The following ATF7IP variants were observed in gnomAD, a reference collection of about 807,000 sequenced individuals.
ATF7IP encodes the protein activating transcription factor 7 interacting protein, also known as activating transcription factor 7-interacting protein 1.
A neutral mutation model predicts 106.4 loss-of-function variants in ATF7IP; 23 were observed. That is an observed-to-expected ratio of 0.22 (90% CI 0.16 to 0.31). ATF7IP has a LOEUF of 0.31. Ranked by LOEUF, ATF7IP falls within the 10% of genes least tolerant of loss-of-function variation. The pLI is 1.00. For synonymous variants in ATF7IP, 542 were observed against 539.0 expected (o/e 1.01, Z -0.08); for missense variants, 1,334 against 1,524.3 (o/e 0.88, Z 2.08).
chr12:14,381,479 C>T (rs917269988), intron 1 of ATF7IP, among the ~76,000 whole-genome samples: 1 of 152,162 alleles, frequency 6.6e-6, no homozygotes, highest in Admixed American at 6.5e-5. Context: ...GGTCTGCCCA[C>T]TTTGGCCTCC....
At chr12:14,390,840 A>C (rs1260634556) in intron 1 of ATF7IP, among the ~76,000 whole-genome samples, 1 of 152,240 alleles carries the variant, frequency 6.6e-6, no homozygotes. Context: ...ATAATTTATA[A>C]TCTTGATCTG....
intron 10 of ATF7IP, among the ~76,000 whole-genome samples, chr12:14,474,792 C>T (rs928229518): frequency 1.3e-5 from 2 of 152,040 alleles, no homozygotes; most frequent in African/African-American, 2.4e-5. Context: ...CTTATTTTTT[C>T]GTCCTAAGTT....
chr12:14,496,568 A>G (rs188554072), intron 14 of ATF7IP, among the ~76,000 whole-genome samples: 6 of 152,338 alleles, frequency 3.9e-5, no homozygotes, highest in Admixed American at 3.9e-4. Flanking sequence ...TACAGTGTAC[A>G]AAAACAGGTC....
chr12:14,416,885 A>G, intron 1 of ATF7IP: 2 of 983,386 alleles, frequency 2.0e-6, no homozygotes, highest in Non-Finnish European at 2.4e-6. Flanking sequence ...GCAGCTGTTG[A>G]TATATTTTTC....
intron 1 of ATF7IP, among the ~76,000 whole-genome samples, chr12:14,410,195 C>T (rs142004005): frequency 4.6e-5 from 7 of 152,196 alleles, no homozygotes; most frequent in African/African-American, 1.4e-4. Context: ...CCACAGTTTT[C>T]GTTTTCTGTG....
In ATF7IP at chr12:14,438,256, A is replaced by G. The variant is rs1285906662; in HGVS notation, c.1918A>G (p.Thr640Ala). Residue 640 changes from threonine to alanine, a missense_variant, in exon 5 of 15, where the codon ACT becomes GCT. Physicochemically the swap from Thr to Ala is moderately conservative, Grantham distance 58 (BLOSUM62 0). Transcript: ENST00000261168. Reference protein sequence around the residue: ...ECNKRHKTVLTELQAKIARLT... With the variant: ...ECNKRHKTVLAELQAKIARLT... ...TAACAAGAGGCATAAAACAGTTCTC[A>G]CTGAACTACAGGTTTGTACATTGAC... 4 of 1,612,348 alleles carry G rather than the reference A, an allele frequency of 2.5e-6. No individual in the cohort carries two copies. Among genetic ancestry groups the G allele is most frequent in the South Asian group, 2.2e-5 (2 of 90,958 alleles).
chr12:14,424,296 T>C lies in ATF7IP; in HGVS notation c.381T>C (p.Ala127=), dbSNP rs770876256. The C allele has an allele frequency of 1.9e-6, 3 of 1,614,104 alleles. No individual in the cohort carries two copies. In the African/African-American group the frequency reaches 4.0e-5, roughly 22 times the overall value. Residue 127 remains alanine, a synonymous_variant, in exon 2 of 15, where the codon GCT becomes GCC. Coordinates refer to ENST00000261168, the MANE Select transcript of ATF7IP (RefSeq NM_018179.5). ...CAGAACCAGTCTCTAAACTGCCTGC[T>C]GAACCAGTTTCTGGTGATCCAGCCC... is the stretch of plus-strand genomic sequence containing the variant. ...ITPEPVSKLP[A]EPVSGDPAPG...
chr12:14,487,565 A>G (rs887485482), intron 13 of ATF7IP, among the ~76,000 whole-genome samples: 2 of 152,180 alleles, frequency 1.3e-5, no homozygotes, highest in Non-Finnish European at 2.9e-5. Context: ...CGTTGCCCTC[A>G]CTGGGTGTAG....
chr12:14,409,143 G>T (rs1360525602), intron 1 of ATF7IP, among the ~76,000 whole-genome samples: 1 of 151,694 alleles, frequency 6.6e-6, no homozygotes, highest in Non-Finnish European at 1.5e-5. Context: ...CTAGATACTC[G>T]ATAAAAATGT....
intron 10 of ATF7IP, among the ~76,000 whole-genome samples, chr12:14,469,383 A>AC (rs1565539562): frequency 3.7e-5 from 5 of 136,398 alleles, no homozygotes; most frequent in East Asian, 2.2e-4. Context: ...AAAAAAAAAA[A>AC]CTTGGACATC....
chr12:14,430,256 A>G (rs1372470212), intron 2 of ATF7IP, among the ~76,000 whole-genome samples: 1 of 152,174 alleles, frequency 6.6e-6, no homozygotes, highest in Non-Finnish European at 1.5e-5. Context: ...TACTATATCA[A>G]ATGCTGCTGT....
Position 14,502,287 on chromosome 12 carries a change from A to T in ATF7IP, c.*4214A>T, listed in dbSNP as rs1269340310. On this transcript the variant is annotated 3_prime_UTR_variant, in exon 15 of 15. Transcript: ENST00000261168. Reference sequence around the variant, plus strand: ...TTATTATTTTTAACTTTTGGGACACACAAAAATCAGCAATTCTCATGAAGC... The same window carrying T: ...TTATTATTTTTAACTTTTGGGACACTCAAAAATCAGCAATTCTCATGAAGC... The T allele has an allele frequency of 6.6e-6, 1 of 152,172 alleles. No individual in the cohort carries two copies. Among genetic ancestry groups the T allele is most frequent in the Admixed American group, 6.6e-5 (1 of 15,264 alleles). 9.4% of individuals were successfully genotyped at this position (152,172 alleles called of 1,614,324 possible). A position where few individuals can be genotyped will look rare whatever the true frequency, so the allele number is the denominator to read the frequency against.
At chr12:14,447,202 G>T in intron 6 of ATF7IP, 149 bp downstream of exon 6, 2 of 413,820 alleles carry the variant, frequency 4.8e-6, no homozygotes. Context: ...TTCAGCCCTA[G>T]AACTAATGAA....
In ATF7IP at chr12:14,499,665, A is replaced by G. The variant is rs1185963201; in HGVS notation, c.*1592A>G. On this transcript the variant is annotated 3_prime_UTR_variant, in exon 15 of 15. Coordinates refer to ENST00000261168, the MANE Select transcript of ATF7IP (RefSeq NM_018179.5). ...GTTAGCTTTGGATAGAATTTAAAGT[A>G]TATCCCAGAATTAGCTGGGCATGTT... 1 of 152,142 alleles carries G rather than the reference A, an allele frequency of 6.6e-6. No individual in the cohort carries two copies. The highest frequency in any genetic ancestry group is 2.4e-5 in the African/African-American group (1 of 41,426). 9.4% of individuals were successfully genotyped at this position (152,142 alleles called of 1,614,324 possible).
chr12:14,368,956 C>CCT lies in ATF7IP; in HGVS notation c.-8+3129_-8+3130insCT, dbSNP rs1555106290. The stretch of plus-strand genomic sequence containing the variant: ...TTATGTAGTAAAATGTACTGCCCCC[C>CCT]TTTTTTTTTTTGAGATAGGATCTTG... On this transcript the variant is annotated intron_variant, in intron 1 of 14. Transcript: ENST00000261168. 5.5e-4 allele frequency among the ~76,000 whole-genome samples: 80 copies of CCT among 144,990 alleles called. No homozygotes were observed. The South Asian group carries it at 0.012, about 21-fold the overall frequency.
chr12:14,401,700 A>G (rs1330821862), intron 1 of ATF7IP, among the ~76,000 whole-genome samples: 2 of 128,986 alleles, frequency 1.6e-5, no homozygotes, highest in Non-Finnish European at 3.4e-5. Context: ...GCATTGTTTC[A>G]CTTAGAGATT....
chr12:14,491,519 A>G (rs112524206), intron 13 of ATF7IP, among the ~76,000 whole-genome samples: 3,175 of 152,212 alleles, frequency 0.021, 99 homozygotes, highest in African/African-American at 0.071. Flanking sequence ...TGCTCACTTG[A>G]TCAATCAGAA....
Position 14,385,431 on chromosome 12 carries a change from A to G in ATF7IP, c.-8+19604A>G, listed in dbSNP as rs73304252. 4.6e-4 allele frequency: 706 copies of G among 1,524,770 alleles called. 3 individuals are homozygous for G. The African/African-American group carries it at 8.0e-3, about 17-fold the overall frequency. 94.5% of individuals were successfully genotyped at this position (1,524,770 alleles called of 1,614,324 possible). A position where few individuals can be genotyped will look rare whatever the true frequency, so the allele number is the denominator to read the frequency against. ...AACCAATTACTCTTTTATCTTAAAC[A>G]TTCTCATTTTTTTCTTTTTTAAAAA... On this transcript the variant is annotated intron_variant, in intron 1 of 14. Coordinates refer to ENST00000261168, the MANE Select transcript of ATF7IP (RefSeq NM_018179.5).
rs184117477 is a variant in ATF7IP, at chr12:14,491,543, G to A, written c.3281-4688G>A. On this transcript the variant is annotated intron_variant, in intron 13 of 14. Transcript: ENST00000261168. The stretch of plus-strand genomic sequence containing the variant: ...GATCAATCAGAATAATGTCATCAAC[G>A]TAATGGAGCAGTGTGGTATCTTGCA... 1.8e-3 allele frequency among the ~76,000 whole-genome samples: 268 copies of A among 152,290 alleles called. 2 individuals are homozygous for A. Among genetic ancestry groups the A allele is most frequent in the African/African-American group, 6.2e-3 (257 of 41,560 alleles).
Sources: gnomAD v4.1 joint callset for allele counts (sites outside exome capture counted in the v4.1 genomes callset) on GRCh38, gnomAD v4.1.1 for gene constraint, MANE v1.5 for transcripts, NCBI Gene and HGNC (gene_info 2026-07-23, HGNC 2026-07-21) for gene names.